The following RSU1 variants were observed in gnomAD, a reference collection of about 807,000 sequenced individuals.
The protein encoded by RSU1 is rsu-1.
Under a neutral mutation model 31.1 loss-of-function variants are expected in RSU1, and 26 were observed. The ratio of observed to expected loss-of-function variants is 0.84; its 90% CI spans 0.61 to 1.16. The LOEUF (loss-of-function observed/expected upper bound fraction) is 1.16, where lower values mean the gene tolerates loss of function less well. Ranked by LOEUF, RSU1 falls within the 50% of genes most tolerant of loss-of-function variation. The probability of loss-of-function intolerance (pLI) is 0.00; values close to 1 mark genes in which losing one functional copy is unlikely to be tolerated. For missense variants in RSU1, 320 were observed against 339.1 expected (o/e 0.94, Z 0.44); for synonymous variants, 164 against 136.3 (o/e 1.20, Z -1.41).
chr10:16,639,149 T>C lies in RSU1; in HGVS notation c.732-45653A>G, dbSNP rs961278828. 1.1e-4 allele frequency among the ~76,000 whole-genome samples: 17 copies of C among 152,348 alleles called. No homozygotes were observed. The East Asian group carries it at 2.9e-3, about 26-fold the overall frequency. ...AACTTCTGAACTCATTATGTATAAA[T>C]TATTAAGTTATAAAACACCACTGCT... On this transcript the variant is annotated intron_variant, in intron 8 of 8. Coordinates refer to ENST00000345264, the MANE Select transcript of RSU1 (RefSeq NM_012425.4).
chr10:16,634,006 A>C (rs1226134065), intron 8 of RSU1, among the ~76,000 whole-genome samples: 1 of 152,196 alleles, frequency 6.6e-6, no homozygotes, highest in East Asian at 1.9e-4. Context: ...ACGATCTCAC[A>C]CTGACGTTCA....
intron 7 of RSU1, among the ~76,000 whole-genome samples, chr10:16,727,606 G>T (rs1175960574): frequency 6.6e-6 from 1 of 152,144 alleles, no homozygotes. Context: ...AAACTCTTAG[G>T]GAGAACATTT....
chr10:16,705,292 A>G (rs957089593), intron 7 of RSU1, among the ~76,000 whole-genome samples: 2 of 152,206 alleles, frequency 1.3e-5, no homozygotes, highest in African/African-American at 4.8e-5. Flanking sequence ...GTGGATGTCA[A>G]AAATCCACGG....
At chr10:16,768,353 A>G (rs1460193084) in intron 3 of RSU1, among the ~76,000 whole-genome samples, 1 of 152,222 alleles carries the variant, frequency 6.6e-6, no homozygotes, top group African/African-American at 2.4e-5. Context: ...TAAATAATTC[A>G]ACAAATGGGG....
chr10:16,725,321 T>C (rs1487531287), intron 7 of RSU1, among the ~76,000 whole-genome samples: 1 of 152,116 alleles, frequency 6.6e-6, no homozygotes, highest in East Asian at 1.9e-4. Context: ...GGAAATTCAA[T>C]GCCCAAAGAC....
chr10:16,731,996 G>C (rs2131601207), intron 7 of RSU1, among the ~76,000 whole-genome samples: 1 of 152,198 alleles, frequency 6.6e-6, no homozygotes, highest in African/African-American at 2.4e-5. Context: ...TCCTTAAGGG[G>C]CCAATGGACT....
chr10:16,677,950 C>CATG (rs1554765953), intron 8 of RSU1, among the ~76,000 whole-genome samples: 1 of 151,362 alleles, frequency 6.6e-6, no homozygotes, highest in African/African-American at 2.4e-5. Context: ...CTGAAACACA[C>CATG]ACGTCATCTT....
intron 2 of RSU1, among the ~76,000 whole-genome samples, chr10:16,801,729 AAGAT>A (rs1243083241): frequency 6.6e-6 from 1 of 152,122 alleles, no homozygotes; most frequent in Non-Finnish European, 1.5e-5. Flanking sequence ...AATCAAACGA[AAGAT>A]AGCTGAAAAA....
At chr10:16,691,276 A>G (rs1027149730) in intron 8 of RSU1, among the ~76,000 whole-genome samples, 1 of 152,048 alleles carries the variant, frequency 6.6e-6, no homozygotes, top group African/African-American at 2.4e-5. Flanking sequence ...TTGTATGAGG[A>G]TATACTTAAT....
intron 2 of RSU1, among the ~76,000 whole-genome samples, chr10:16,793,819 T>C (rs537993682): frequency 4.6e-5 from 7 of 151,340 alleles, no homozygotes; most frequent in African/African-American, 1.7e-4. Context: ...CAGAAAGTGA[T>C]GGTGAATGTT....
chr10:16,632,661 G>A (rs146066482), intron 8 of RSU1, among the ~76,000 whole-genome samples: 4 of 152,102 alleles, frequency 2.6e-5, no homozygotes, highest in African/African-American at 7.2e-5. Context: ...AAGACAGGCC[G>A]AGTGTGGTGG....
At position 16,753,318 on chromosome 10, in the gene RSU1, A is replaced by C. The variant is rs1188196886; in HGVS notation, c.401-318T>G. ...ACTTCTCATAGATTACTTTTGATTC[A>C]CATTTATTTCTCCATTTGCATCCAA... is the stretch of plus-strand genomic sequence containing the variant. On this transcript the variant is annotated intron_variant, in intron 5 of 8. Transcript: ENST00000345264. 3.3e-5 allele frequency among the ~76,000 whole-genome samples: 5 copies of C among 152,198 alleles called. No homozygotes were observed. In the East Asian group the frequency reaches 9.6e-4, roughly 29 times the overall value.
intron 8 of RSU1, among the ~76,000 whole-genome samples, chr10:16,645,117 A>T (rs1363355342): frequency 6.6e-6 from 1 of 152,208 alleles, no homozygotes; most frequent in African/African-American, 2.4e-5. Context: ...CACCATAACC[A>T]ATGGGCAAAA....
At chr10:16,713,828 C>T (rs1314816342) in intron 7 of RSU1, among the ~76,000 whole-genome samples, 3 of 152,076 alleles carry the variant, frequency 2.0e-5, no homozygotes, top group Admixed American at 6.6e-5. Flanking sequence ...TATGAAGTAA[C>T]TTTCATTAGG....
intron 7 of RSU1, among the ~76,000 whole-genome samples, chr10:16,711,760 G>T (rs1836024784): frequency 6.6e-6 from 1 of 152,154 alleles, no homozygotes; most frequent in Non-Finnish European, 1.5e-5. Context: ...TACTTGATAG[G>T]ATCTCTATCT....
At chr10:16,722,843 TATATACAC>T (rs1836296071) in intron 7 of RSU1, among the ~76,000 whole-genome samples, 1 of 107,022 alleles carries the variant, frequency 9.3e-6, no homozygotes, top group African/African-American at 3.0e-5. Flanking sequence ...CATATATGTA[TATATACAC>T]ACATATATAC....
chr10:16,802,848 T>C (rs1173509159), intron 2 of RSU1, among the ~76,000 whole-genome samples: 1 of 152,102 alleles, frequency 6.6e-6, no homozygotes, highest in Non-Finnish European at 1.5e-5. Flanking sequence ...TAAAAACTCT[T>C]AGCAAACTAG....
At chr10:16,612,730 G>T (rs1007151537) in intron 8 of RSU1, among the ~76,000 whole-genome samples, 1 of 152,102 alleles carries the variant, frequency 6.6e-6, no homozygotes, top group Non-Finnish European at 1.5e-5. Flanking sequence ...GGAGTACTTG[G>T]GGAATTCATC....
chr10:16,592,608 C>G lies in RSU1; in HGVS notation c.*786G>C, dbSNP rs1833527893. 6.6e-6 allele frequency: 1 copy of G among 152,068 alleles called. No homozygotes were observed. The highest frequency in any genetic ancestry group is 2.4e-5 in the African/African-American group (1 of 41,380). The allele number at this position is 152,068 out of a possible 1,614,324, so 9.4% of individuals were successfully genotyped here. ...TCTTTCACAGTTCTTGTCTACCAGCCCCTGGCAGAAATCACCATTTCTTCG... is the reference window on the plus strand; with the variant it reads ...TCTTTCACAGTTCTTGTCTACCAGCGCCTGGCAGAAATCACCATTTCTTCG... On this transcript the variant is annotated 3_prime_UTR_variant, in exon 9 of 9. Coordinates refer to ENST00000345264, the MANE Select transcript of RSU1 (RefSeq NM_012425.4).
Sources: allele counts gnomAD v4.1 joint callset (sites outside exome capture counted in the v4.1 genomes callset), GRCh38; gene constraint gnomAD v4.1.1; transcripts MANE v1.5; gene names NCBI Gene and HGNC (gene_info 2026-07-23, HGNC 2026-07-21).